The following TSHZ2 variants were observed in gnomAD, a reference collection of about 807,000 sequenced individuals.
TSHZ2 encodes the protein teashirt zinc finger homeobox 2, also known as teashirt homolog 2.
TSHZ2 carries 21 observed loss-of-function variants against 74.4 expected under a neutral mutation model. The ratio of observed to expected loss-of-function variants is 0.28; its 90% CI spans 0.20 to 0.41. The LOEUF is 0.41. TSHZ2 is among the 10% of genes least tolerant of loss of function. The probability of loss-of-function intolerance (pLI) is 1.00; values close to 1 mark genes in which losing one functional copy is unlikely to be tolerated. For missense variants in TSHZ2, 1,244 were observed against 1,293.5 expected (o/e 0.96, Z 0.59); for synonymous variants, 540 against 515.3 (o/e 1.05, Z -0.65).
At chr20:53,024,039 A>G (rs539036475) in intron 1 of TSHZ2, among the ~76,000 whole-genome samples, 82 of 151,830 alleles carry the variant, frequency 5.4e-4, no homozygotes, top group African/African-American at 1.9e-3. Flanking sequence ...AGGGGAGGTC[A>G]TTTTTTTCCC....
At chr20:53,360,053 G>A (rs1980993581) in intron 2 of TSHZ2, among the ~76,000 whole-genome samples, 1 of 152,206 alleles carries the variant, frequency 6.6e-6, no homozygotes, top group Non-Finnish European at 1.5e-5. Context: ...AGGTACAACT[G>A]AAATGGACTT....
At chr20:53,184,436 A>T (rs117201781) in intron 1 of TSHZ2, among the ~76,000 whole-genome samples, 1,524 of 152,236 alleles carry the variant, frequency 0.01, 16 homozygotes, top group Non-Finnish European at 0.015. Flanking sequence ...TGAGCATTTT[A>T]CTCCTTTTTA....
At chr20:53,150,089 A>C (rs974238232) in intron 1 of TSHZ2, among the ~76,000 whole-genome samples, 1 of 152,218 alleles carries the variant, frequency 6.6e-6, no homozygotes, top group African/African-American at 2.4e-5. Flanking sequence ...CCTCACTGTA[A>C]TCTTCATAGC....
chr20:52,976,006 T>C (rs1981322510), intron 1 of TSHZ2, among the ~76,000 whole-genome samples: 1 of 152,220 alleles, frequency 6.6e-6, no homozygotes, highest in Non-Finnish European at 1.5e-5. Flanking sequence ...TAATGGGAGA[T>C]AGAAAAAGCC....
intron 1 of TSHZ2, among the ~76,000 whole-genome samples, chr20:53,144,214 G>T (rs534232305): frequency 3.3e-5 from 5 of 152,160 alleles, no homozygotes; most frequent in Non-Finnish European, 7.3e-5. Context: ...GCCTCCAGCC[G>T]CATGACTCCT....
At chr20:53,041,515 A>C (rs186292963) in intron 1 of TSHZ2, among the ~76,000 whole-genome samples, 110 of 152,294 alleles carry the variant, frequency 7.2e-4, no homozygotes, top group Non-Finnish European at 1.3e-3. Context: ...GAGTCAGCCC[A>C]TGTGACCCTC....
chr20:53,334,090 C>G (rs1330198445), intron 2 of TSHZ2, among the ~76,000 whole-genome samples: 1 of 152,210 alleles, frequency 6.6e-6, no homozygotes, highest in African/African-American at 2.4e-5. Flanking sequence ...CTCATTCTTC[C>G]ATGTATTCAT....
At chr20:53,408,184 C>T (rs1982916520) in intron 2 of TSHZ2, among the ~76,000 whole-genome samples, 1 of 152,192 alleles carries the variant, frequency 6.6e-6, no homozygotes, top group African/African-American at 2.4e-5. Flanking sequence ...AATGCCTGTC[C>T]TTCCACAGAA....
At chr20:53,247,031 A>T (rs1158411900) in intron 1 of TSHZ2, among the ~76,000 whole-genome samples, 2 of 152,244 alleles carry the variant, frequency 1.3e-5, no homozygotes, top group African/African-American at 4.8e-5. Flanking sequence ...TCATGGGCTC[A>T]GGATGGCCCC....
chr20:53,060,678 A>C (rs1984790906), intron 1 of TSHZ2, among the ~76,000 whole-genome samples: 1 of 152,234 alleles, frequency 6.6e-6, no homozygotes, highest in Non-Finnish European at 1.5e-5. Flanking sequence ...CGTAGTAAAA[A>C]TGGGTTAACT....
At chr20:53,483,386 C>A (rs1403326780) in intron 2 of TSHZ2, among the ~76,000 whole-genome samples, 1 of 152,118 alleles carries the variant, frequency 6.6e-6, no homozygotes, top group Non-Finnish European at 1.5e-5. Flanking sequence ...GGTGGCGCAC[C>A]TGTAGTCCCA....
intron 2 of TSHZ2, among the ~76,000 whole-genome samples, chr20:53,264,196 G>T (rs1222783136): frequency 1.3e-5 from 2 of 152,170 alleles, no homozygotes; most frequent in East Asian, 1.9e-4. Flanking sequence ...TATGGTATTT[G>T]TCTAATCCTC....
intron 1 of TSHZ2, among the ~76,000 whole-genome samples, chr20:53,001,224 G>GTGTGTGTGTGTGTGTATA (rs1982415618): frequency 6.8e-6 from 1 of 147,740 alleles, no homozygotes; most frequent in African/African-American, 2.5e-5. Context: ...GTGTGTGTGT[G>GTGTGTGTGTGTGTGTATA]TGTGTGTGTG....
intron 1 of TSHZ2, among the ~76,000 whole-genome samples, chr20:52,992,111 C>T (rs2122922846): frequency 6.6e-6 from 1 of 152,272 alleles, no homozygotes; most frequent in African/African-American, 2.4e-5. Context: ...ACTGGAAGCT[C>T]CACACCCTAT....
At chr20:53,333,819 A>G (rs990185842) in intron 2 of TSHZ2, among the ~76,000 whole-genome samples, 2 of 152,166 alleles carry the variant, frequency 1.3e-5, no homozygotes, top group African/African-American at 4.8e-5. Flanking sequence ...CCTAGGATGC[A>G]GCGACTGCAT....
chr20:53,203,564 C>T (rs954328570), intron 1 of TSHZ2, among the ~76,000 whole-genome samples: 3 of 152,050 alleles, frequency 2.0e-5, no homozygotes, highest in Non-Finnish European at 2.9e-5. Context: ...ATAAATGAGA[C>T]ATGAGAGGCT....
At chr20:53,462,954 C>T (rs1481158465) in intron 2 of TSHZ2, among the ~76,000 whole-genome samples, 1 of 152,140 alleles carries the variant, frequency 6.6e-6, no homozygotes, top group African/African-American at 2.4e-5. Flanking sequence ...GCTGATCATC[C>T]CCATCTCCCT....
At chr20:53,361,883 TTGTTGTTGTTGTTGTTTG>T (rs1981066632) in intron 2 of TSHZ2, among the ~76,000 whole-genome samples, 1 of 148,282 alleles carries the variant, frequency 6.7e-6, no homozygotes, top group Admixed American at 6.8e-5. Context: ...TGGTTTTCTT[TTGTTGTTGTTGTTGTTTG>T]TGTTGTTGTT....
chr20:53,475,851 C>G (rs1461422245), intron 2 of TSHZ2, among the ~76,000 whole-genome samples: 4 of 134,708 alleles, frequency 3.0e-5, no homozygotes, highest in Non-Finnish European at 1.6e-5. Flanking sequence ...CACAGAAATA[C>G]AAACTACCAT....
Sources: allele counts gnomAD v4.1 joint callset (sites outside exome capture counted in the v4.1 genomes callset), GRCh38; gene constraint gnomAD v4.1.1; transcripts MANE v1.5; gene names NCBI Gene and HGNC (gene_info 2026-07-23, HGNC 2026-07-21).